HDAC4: variants seen among roughly 807,000 people sequenced by gnomAD.
The protein encoded by HDAC4 is histone deacetylase 4.
HDAC4 carries 16 observed loss-of-function variants against 135.1 expected under a neutral mutation model. That is an observed-to-expected ratio of 0.12 (90% CI 0.08 to 0.18). The LOEUF (loss-of-function observed/expected upper bound fraction) is 0.18, where lower values mean the gene tolerates loss of function less well. HDAC4 is among the 10% of genes least tolerant of loss of function. The probability of loss-of-function intolerance (pLI) is 1.00; values close to 1 mark genes in which losing one functional copy is unlikely to be tolerated. For missense variants in HDAC4, 1,143 were observed against 1,511.8 expected (o/e 0.76, Z 4.05); for synonymous variants, 685 against 653.4 (o/e 1.05, Z -0.74).
In HDAC4 at chr2:239,307,981, C is replaced by T. The variant is rs899221673; in HGVS notation, c.22+44697G>A. ...AGCCAGCAAAGTGTCCCCATCCCCC[C>T]CAAAGTGAGCGGCCACACAGCAATG... On this transcript the variant is annotated intron_variant, in intron 2 of 26. Coordinates refer to ENST00000543185, the MANE Select transcript of HDAC4 (RefSeq NM_001378414.1). This position sits in a 1 kb window ranked among gnomAD's most constrained non-coding sequence, Gnocchi z 4.8. 6.6e-6 allele frequency among the ~76,000 whole-genome samples: 1 copy of T among 152,184 alleles called. No individual in the cohort carries two copies. Among genetic ancestry groups the T allele is most frequent in the African/African-American group, 2.4e-5 (1 of 41,444 alleles).
At position 239,204,289 on chromosome 2, in the gene HDAC4, G is replaced by A. The variant is rs182267575; in HGVS notation, c.95-14212C>T. Among the ~76,000 whole-genome samples the A allele has an allele frequency of 1.4e-3, 206 of 152,328 alleles. 2 individuals are homozygous for A. Among genetic ancestry groups the A allele is most frequent in the Non-Finnish European group, 2.3e-3 (155 of 68,030 alleles). ...ACCACAATGCTGACCACGATGCAGC[G>A]GCCCCTGTGCCCGGGCCACGGGCCC... On this transcript the variant is annotated intron_variant, in intron 3 of 26. Coordinates refer to ENST00000543185, the MANE Select transcript of HDAC4 (RefSeq NM_001378414.1).
intron 24 of HDAC4, chr2:239,055,063 A>G (rs539209398): frequency 4.4e-6 from 2 of 456,312 alleles, no homozygotes; most frequent in East Asian, 4.2e-5. Context: ...GTGGGTTCCT[A>G]CAAGTAGCAG....
chr2:239,377,521 A>G (rs13026316), intron 1 of HDAC4, among the ~76,000 whole-genome samples: 19,337 of 152,204 alleles, frequency 0.13, 1,556 homozygotes, highest in Middle Eastern at 0.29. Context: ...CACACCTCTC[A>G]GTGCATCACC....
intron 1 of HDAC4, among the ~76,000 whole-genome samples, chr2:239,386,105 C>T (rs1354204484): frequency 1.3e-5 from 2 of 151,808 alleles, no homozygotes; most frequent in East Asian, 3.9e-4. Context: ...AATGATGAGC[C>T]ACAGGATGCC....
Position 239,082,235 on chromosome 2 carries a change from G to A in HDAC4, c.2533-14C>T, listed in dbSNP as rs1047339931. 2 of 1,614,214 alleles carry A rather than the reference G, an allele frequency of 1.2e-6. No individual in the cohort carries two copies. Among genetic ancestry groups the A allele is most frequent in the Non-Finnish European group, 1.7e-6 (2 of 1,180,030 alleles). ...ATGGTGCACGTCCTTAAAGAGCAGG[G>A]ACAACTACTTCAGGGCTGAGGCAGG... is the stretch of plus-strand genomic sequence containing the variant. On this transcript the variant is annotated splice_polypyrimidine_tract_variant and intron_variant, in intron 20 of 26. Transcript: ENST00000543185.
intron 7 of HDAC4, among the ~76,000 whole-genome samples, chr2:239,150,923 G>A (rs1429314364): frequency 6.6e-6 from 1 of 152,150 alleles, no homozygotes; most frequent in South Asian, 2.1e-4. Flanking sequence ...TCACCACACT[G>A]CACCTCCTGA....
chr2:239,263,594 C>T (rs1389684449), intron 2 of HDAC4, among the ~76,000 whole-genome samples: 3 of 151,864 alleles, frequency 2.0e-5, no homozygotes, highest in Non-Finnish European at 4.4e-5. Context: ...GGAAGTGAGG[C>T]TCTACACACA....
At chr2:239,287,224 G>GA (rs1219783302) in intron 2 of HDAC4, among the ~76,000 whole-genome samples, 1 of 152,186 alleles carries the variant, frequency 6.6e-6, no homozygotes, top group Non-Finnish European at 1.5e-5. Context: ...CCCCACCCAG[G>GA]ACCCCACTGT....
At chr2:239,059,707 C>G (rs1200177618) in intron 24 of HDAC4, among the ~76,000 whole-genome samples, 2 of 152,220 alleles carry the variant, frequency 1.3e-5, no homozygotes, top group Admixed American at 6.5e-5. Flanking sequence ...TTCTCCCAGT[C>G]AAGGAACAGA....
Position 239,398,523 on chromosome 2 carries a change from T to C in HDAC4, c.-220+2455A>G, listed in dbSNP as rs76127548. ...TGTGTGGAAACTTCCAGCACTAGAG[T>C]CCTCCTGGTAAACATCCATAGGGCA... On this transcript the variant is annotated intron_variant, in intron 1 of 26. Coordinates refer to ENST00000543185, the MANE Select transcript of HDAC4 (RefSeq NM_001378414.1). 4.6e-5 allele frequency among the ~76,000 whole-genome samples: 7 copies of C among 152,134 alleles called. No individual in the cohort carries two copies. The East Asian group carries it at 1.4e-3, about 29-fold the overall frequency.
intron 5 of HDAC4, among the ~76,000 whole-genome samples, chr2:239,174,575 G>A (rs2043639474): frequency 6.6e-6 from 1 of 152,198 alleles, no homozygotes; most frequent in East Asian, 1.9e-4. Flanking sequence ...ACACTACTTT[G>A]AAAACTTTTG....
rs1434292728 is a variant in HDAC4 at position 239,048,634 on chromosome 2, C to T, written c.*4463G>A. 6.6e-6 allele frequency: 1 copy of T among 152,012 alleles called. No individual in the cohort carries two copies. The highest frequency in any genetic ancestry group is 1.5e-5 in the Non-Finnish European group (1 of 68,004). The allele number at this position is 152,012 out of a possible 1,614,324, so 9.4% of individuals were successfully genotyped here. On this transcript the variant is annotated 3_prime_UTR_variant, in exon 27 of 27. Coordinates refer to ENST00000543185, the MANE Select transcript of HDAC4 (RefSeq NM_001378414.1). ...ATTCTCATCAATTGGAAAATAGCGC[C>T]TCCACTATGGAGCACACACGGCAAA...
intron 3 of HDAC4, among the ~76,000 whole-genome samples, chr2:239,195,315 C>T (rs752063127): frequency 6.6e-5 from 10 of 152,204 alleles, no homozygotes; most frequent in Non-Finnish European, 1.3e-4. Flanking sequence ...CCTCCGGCCA[C>T]GGCCATTGCT....
chr2:239,214,523 C>G (rs945053039), intron 3 of HDAC4, among the ~76,000 whole-genome samples: 30 of 152,198 alleles, frequency 2.0e-4, no homozygotes, highest in African/African-American at 7.2e-4. Flanking sequence ...CAACCGCACT[C>G]TGGCTCCTTG....
At chr2:239,103,035 G>A (rs2037801085) in intron 15 of HDAC4, 139 bp from the exon 16 acceptor site, 6 of 1,002,254 alleles carry the variant, frequency 6.0e-6, no homozygotes, top group African/African-American at 3.2e-5. Flanking sequence ...TTTGGTTACT[G>A]CAAAAGAAGA....
At chr2:239,172,041 A>C (rs1234693671) in intron 5 of HDAC4, among the ~76,000 whole-genome samples, 1 of 152,176 alleles carries the variant, frequency 6.6e-6, no homozygotes, top group Non-Finnish European at 1.5e-5. Context: ...GAAAGGATAA[A>C]TTTATGAGTA....
At chr2:239,062,427 C>T (rs1056175811) in intron 24 of HDAC4, among the ~76,000 whole-genome samples, 1 of 152,248 alleles carries the variant, frequency 6.6e-6, no homozygotes, top group Non-Finnish European at 1.5e-5. Context: ...GGGGCGGGGC[C>T]CAGGCCAACT....
rs189327878 is a variant in HDAC4, at chr2:239,169,378, C to T, written c.491-5455G>A. ...CCCACGCACGCCTCCTGCACTGCAG[C>T]GTCACCAGCACAGGCCAGACAAGTC... On this transcript the variant is annotated intron_variant, in intron 5 of 26. Coordinates refer to ENST00000543185, the MANE Select transcript of HDAC4 (RefSeq NM_001378414.1). Among the ~76,000 whole-genome samples the T allele has an allele frequency of 3.6e-3, 544 of 152,340 alleles. 3 individuals carry two copies. The highest frequency in any genetic ancestry group is 0.012 in the African/African-American group (506 of 41,570).
intron 2 of HDAC4, among the ~76,000 whole-genome samples, chr2:239,317,188 T>C (rs980584817): frequency 6.6e-6 from 1 of 152,110 alleles, no homozygotes; most frequent in Non-Finnish European, 1.5e-5. Flanking sequence ...AGTAAGTACA[T>C]GATGGATTCT....
Sources: allele counts gnomAD v4.1 joint callset (sites outside exome capture counted in the v4.1 genomes callset), GRCh38; gene constraint gnomAD v4.1.1; non-coding constraint Gnocchi (gnomAD v3.1); transcripts MANE v1.5; gene names NCBI Gene and HGNC (gene_info 2026-07-23, HGNC 2026-07-21).